The following TBL1XR1 variants were observed in gnomAD, a reference collection of about 807,000 sequenced individuals.
TBL1XR1 encodes F-box-like/WD repeat-containing protein TBL1XR1.
In TBL1XR1, 5 loss-of-function variants were observed where a neutral mutation model predicts 66.9. That is an observed-to-expected ratio of 0.07 (90% confidence interval 0.04 to 0.16). The LOEUF is 0.16. Ranked by LOEUF, TBL1XR1 falls within the 10% of genes least tolerant of loss-of-function variation. The probability of loss-of-function intolerance (pLI) is 1.00; values close to 1 mark genes in which losing one functional copy is unlikely to be tolerated. For synonymous variants in TBL1XR1, 210 were observed against 206.0 expected (o/e 1.02, Z -0.17); for missense variants, 238 against 623.2 (o/e 0.38, Z 6.58).
At chr3:177,163,439 G>A (rs1732454987) in intron 1 of TBL1XR1, among the ~76,000 whole-genome samples, 2 of 151,902 alleles carry the variant, frequency 1.3e-5, no homozygotes, top group East Asian at 3.9e-4. Flanking sequence ...AAACCAGGAG[G>A]TGCAAGCTGC....
intron 9 of TBL1XR1, 124 bp downstream of exon 9, chr3:177,047,176 A>G: frequency 1.3e-6 from 1 of 759,134 alleles, no homozygotes; most frequent in African/African-American, 1.8e-5. Context: ...GAGTATTTCT[A>G]GCATAAATTC....
rs1170375681 is a variant in TBL1XR1 at position 177,112,074 on chromosome 3, AATATATATATATATAT to A, written c.-121-13549_-121-13534del. Among the ~76,000 whole-genome samples, 13 of 40,944 alleles carry A rather than the reference AATATATATATATATAT, an allele frequency of 3.2e-4. 2 individuals carry two copies. The highest frequency in any genetic ancestry group is 4.2e-4 in the African/African-American group (4 of 9,456). The allele number at this position is 40,944 out of a possible 152,430, so 26.9% of individuals were successfully genotyped here. On this transcript the variant is annotated intron_variant, in intron 1 of 15. Transcript: ENST00000457928. ...ATAAGACAACAAAGATATAAAATCA[AATATATATATATATAT>A]ATATATATATATATATATTTTTTTT...
At chr3:177,134,976 T>TGTGTGTGTGTGTGTGTCTGTGTGC (rs1577269636) in intron 1 of TBL1XR1, among the ~76,000 whole-genome samples, 2 of 150,788 alleles carry the variant, frequency 1.3e-5, no homozygotes, top group Admixed American at 1.3e-4. Context: ...TCTGTGTGTG[T>TGTGTGTGTGTGTGTGTCTGTGTGC]GTCTGTGTGT....
chr3:177,166,335 G>T (rs1270571159), intron 1 of TBL1XR1, among the ~76,000 whole-genome samples: 1 of 152,148 alleles, frequency 6.6e-6, no homozygotes, highest in African/African-American at 2.4e-5. Flanking sequence ...AATAGGCCAA[G>T]AATATTAAAC....
chr3:177,179,374 T>A (rs1037577535), intron 1 of TBL1XR1, among the ~76,000 whole-genome samples: 1 of 152,220 alleles, frequency 6.6e-6, no homozygotes. Context: ...CTTGTTGTAC[T>A]GACATAATTC....
chr3:177,094,322 T>C (rs1723193116), intron 2 of TBL1XR1, among the ~76,000 whole-genome samples: 1 of 151,842 alleles, frequency 6.6e-6, no homozygotes, highest in African/African-American at 2.4e-5. Context: ...AATGAAAAAA[T>C]AATAGATGTT....
At chr3:177,185,880 G>A (rs1042029231) in intron 1 of TBL1XR1, among the ~76,000 whole-genome samples, 5 of 152,040 alleles carry the variant, frequency 3.3e-5, no homozygotes, top group African/African-American at 9.7e-5. Flanking sequence ...GCATGGTGCT[G>A]CTCGTCTGTA....
At chr3:177,187,869 A>C (rs1735621953) in intron 1 of TBL1XR1, among the ~76,000 whole-genome samples, 1 of 149,070 alleles carries the variant, frequency 6.7e-6, no homozygotes, top group Non-Finnish European at 1.5e-5. Flanking sequence ...AAAATCCACC[A>C]TTTTAAGGTA....
chr3:177,201,605 A>C (rs987966518), upstream of TBL1XR1: 3 of 152,180 alleles, frequency 2.0e-5, no homozygotes, highest in Non-Finnish European at 4.4e-5. Context: ...TTTTTAAATC[A>C]TCATGATGTT....
rs76559151 is a variant in TBL1XR1 at position 177,104,288 on chromosome 3, A to G, written c.-121-5747T>C. Among the ~76,000 whole-genome samples, 440 of 152,216 alleles carry G rather than the reference A, an allele frequency of 2.9e-3. 7 individuals carry two copies. Among genetic ancestry groups the G allele is most frequent in the African/African-American group, 9.8e-3 (405 of 41,534 alleles). On this transcript the variant is annotated intron_variant, in intron 1 of 15. Coordinates refer to ENST00000457928, the MANE Select transcript of TBL1XR1 (RefSeq NM_024665.7). Reference sequence around the variant, plus strand: ...TTAAGAAAGAAACAAAAACAGTATTACCTCCTAATGGAACAATTAAATATA... The same window carrying G: ...TTAAGAAAGAAACAAAAACAGTATTGCCTCCTAATGGAACAATTAAATATA...
intron 1 of TBL1XR1, among the ~76,000 whole-genome samples, chr3:177,151,313 T>C (rs1272977283): frequency 6.6e-6 from 1 of 152,222 alleles, no homozygotes; most frequent in Non-Finnish European, 1.5e-5. Context: ...TAAAAACAGT[T>C]GCATTTGATT....
intron 1 of TBL1XR1, among the ~76,000 whole-genome samples, chr3:177,113,925 A>AAG (rs1443219683): frequency 6.6e-6 from 1 of 152,204 alleles, no homozygotes; most frequent in African/African-American, 2.4e-5. Flanking sequence ...ATTACTGAAA[A>AAG]TAATATGAAG....
In TBL1XR1 at chr3:177,092,199, C is replaced by T. The variant is rs148150907; in HGVS notation, c.-46+6267G>A. Among the ~76,000 whole-genome samples the T allele has an allele frequency of 3.9e-4, 60 of 152,256 alleles. 3 individuals carry two copies. The East Asian group carries it at 0.012, about 29-fold the overall frequency. On this transcript the variant is annotated intron_variant, in intron 2 of 15. Coordinates refer to ENST00000457928, the MANE Select transcript of TBL1XR1 (RefSeq NM_024665.7). Reference sequence around the variant, plus strand: ...GCTCAAAAAATTTCAGATGTTGGAGCATTTCAGATTAGAGGTATTCCATCT... The same window carrying T: ...GCTCAAAAAATTTCAGATGTTGGAGTATTTCAGATTAGAGGTATTCCATCT...
chr3:177,027,072 T>G (rs1168679644), intron 14 of TBL1XR1: 2 of 152,314 alleles, frequency 1.3e-5, no homozygotes, highest in Admixed American at 1.3e-4. Context: ...CATAGCTCAC[T>G]GCACCTTCTA....
Position 177,038,001 on chromosome 3 carries a change from C to T in TBL1XR1, c.1122+97G>A. 4.8e-6 allele frequency: 5 copies of T among 1,033,832 alleles called. No homozygotes were observed. The South Asian group carries it at 7.5e-5, about 16-fold the overall frequency. 64.0% of individuals were successfully genotyped at this position (1,033,832 alleles called of 1,614,324 possible). A position where few individuals can be genotyped will look rare whatever the true frequency, so the allele number is the denominator to read the frequency against. ...TGGAGTTTTCATGCAGGTACAAACA[C>T]TCCATGTAAGACAGACATTCTAAAT... On this transcript the variant is annotated intron_variant, in intron 12 of 15. Transcript: ENST00000457928.
chr3:177,182,096 C>G (rs1251186795), intron 1 of TBL1XR1, among the ~76,000 whole-genome samples: 1 of 152,168 alleles, frequency 6.6e-6, no homozygotes, highest in South Asian at 2.1e-4. Context: ...AAAATTCTTA[C>G]AGCACAGCCA....
chr3:177,074,668 T>C (rs1383809665), intron 2 of TBL1XR1, among the ~76,000 whole-genome samples: 5 of 152,164 alleles, frequency 3.3e-5, no homozygotes, highest in Admixed American at 2.0e-4. Flanking sequence ...TTTTCTATGC[T>C]ACCTCCCCAA....
intron 1 of TBL1XR1, among the ~76,000 whole-genome samples, chr3:177,185,548 T>C (rs1460484854): frequency 7.3e-5 from 11 of 151,594 alleles, no homozygotes; most frequent in Admixed American, 2.0e-4. Flanking sequence ...CGGAGGTCAC[T>C]GTGAGCCAAG....
intron 1 of TBL1XR1, among the ~76,000 whole-genome samples, chr3:177,130,197 C>T (rs1383170860): frequency 1.3e-5 from 2 of 149,962 alleles, no homozygotes; most frequent in South Asian, 4.2e-4. Flanking sequence ...AATAAAAATG[C>T]ACATATCCTT....
Sources: gnomAD v4.1 joint callset for allele counts (sites outside exome capture counted in the v4.1 genomes callset) on GRCh38, gnomAD v4.1.1 for gene constraint, MANE v1.5 for transcripts, NCBI Gene and HGNC (gene_info 2026-07-23, HGNC 2026-07-21) for gene names.